Variants in TTC28 observed in about 807,000 individuals in gnomAD.
TTC28 encodes tetratricopeptide repeat protein 28.
A neutral mutation model predicts 198.0 loss-of-function variants in TTC28; 61 were observed. The observed-to-expected ratio is 0.31, with a 90% CI of 0.25 to 0.38. TTC28 has a LOEUF of 0.38. TTC28 is among the 10% of genes least tolerant of loss of function. TTC28 has a pLI of 1.00. For missense variants in TTC28, 2,678 were observed against 3,164.0 expected, an observed-to-expected ratio of 0.85 and a Z score of 3.69; for synonymous variants, 1,171 against 1,297.8, an observed-to-expected ratio of 0.90 and a Z score of 2.10.
rs558986002 is a variant in TTC28, at chr22:28,216,575, C to T, written c.934-52976G>A. ...TTTACATGACAGTCTCATTTACATACAAAGGAAAGGTTAAAAAAACAAAGC... is the reference window on the plus strand; with the variant it reads ...TTTACATGACAGTCTCATTTACATATAAAGGAAAGGTTAAAAAAACAAAGC... On this transcript the variant is annotated intron_variant, in intron 5 of 22. Transcript: ENST00000397906. 7.3e-5 allele frequency among the ~76,000 whole-genome samples: 11 copies of T among 151,636 alleles called. No individual in the cohort carries two copies. The South Asian group carries it at 1.7e-3, about 23-fold the overall frequency.
At chr22:28,082,847 G>A (rs762062334) in intron 12 of TTC28, among the ~76,000 whole-genome samples, 1 of 152,102 alleles carries the variant, frequency 6.6e-6, no homozygotes, top group Non-Finnish European at 1.5e-5. Context: ...ATATTTGGTA[G>A]AATTCCCCAG....
At position 28,676,450 on chromosome 22, in the gene TTC28, T is replaced by C. The variant is rs535328434; in HGVS notation, c.102+3172A>G. Among the ~76,000 whole-genome samples the C allele has an allele frequency of 1.4e-4, 21 of 152,280 alleles. No homozygotes were observed. The East Asian group carries it at 4.1e-3, about 29-fold the overall frequency. On this transcript the variant is annotated intron_variant, in intron 1 of 22. Coordinates refer to ENST00000397906, the MANE Select transcript of TTC28 (RefSeq NM_001145418.2). ...CTAGATACCTGTCTTGTTTGTGTGATTCTGTGAACATATTATAAACCACAA... is the reference window on the plus strand; with the variant it reads ...CTAGATACCTGTCTTGTTTGTGTGACTCTGTGAACATATTATAAACCACAA...
At chr22:28,283,973 G>A (rs539914262) in intron 5 of TTC28, among the ~76,000 whole-genome samples, 1 of 152,290 alleles carries the variant, frequency 6.6e-6, no homozygotes, top group East Asian at 1.9e-4. Context: ...AACTTCTCCA[G>A]CTCTGAGTAA....
chr22:28,312,954 T>A (rs1210717542), intron 2 of TTC28, among the ~76,000 whole-genome samples: 1 of 151,884 alleles, frequency 6.6e-6, no homozygotes, highest in African/African-American at 2.4e-5. Context: ...ACAAAATAGA[T>A]AGACCACTAG....
At chr22:28,114,510 CTATT>C (rs1240336229) in intron 6 of TTC28, among the ~76,000 whole-genome samples, 1 of 151,792 alleles carries the variant, frequency 6.6e-6, no homozygotes, top group African/African-American at 2.4e-5. Flanking sequence ...TTGCAGGTGA[CTATT>C]TATTAATATG....
intron 2 of TTC28, among the ~76,000 whole-genome samples, chr22:28,495,187 C>G: frequency 6.6e-6 from 1 of 152,034 alleles, no homozygotes; most frequent in Non-Finnish European, 1.5e-5. Flanking sequence ...AGAAATTTTT[C>G]TAAATTAAAC....
At chr22:28,346,376 A>G (rs1397983618) in intron 2 of TTC28, among the ~76,000 whole-genome samples, 1 of 152,234 alleles carries the variant, frequency 6.6e-6, no homozygotes, top group Non-Finnish European at 1.5e-5. Flanking sequence ...CTGGGGACAA[A>G]GACATGTACT....
In TTC28 at chr22:28,506,427, C is replaced by T. The variant is rs554308059; in HGVS notation, c.381+123125G>A. ...TGATCTCTCCCTGGGACAGAGCTCC[C>T]GGGGGGAGGGGTGGCTGCCATCTCA... On this transcript the variant is annotated intron_variant, in intron 2 of 22. Transcript: ENST00000397906. Among the ~76,000 whole-genome samples, 18 of 152,166 alleles carry T rather than the reference C, an allele frequency of 1.2e-4. No individual in the cohort carries two copies. The East Asian group carries it at 2.9e-3, about 24-fold the overall frequency.
At chr22:28,022,897 G>A (rs1195206813) in intron 13 of TTC28, among the ~76,000 whole-genome samples, 1 of 152,264 alleles carries the variant, frequency 6.6e-6, no homozygotes, top group African/African-American at 2.4e-5. Flanking sequence ...TGTCTCCTCT[G>A]GGAGGTGAAC....
chr22:28,326,580 G>T (rs1569261748), intron 2 of TTC28, among the ~76,000 whole-genome samples: 1 of 152,092 alleles, frequency 6.6e-6, no homozygotes, highest in Non-Finnish European at 1.5e-5. Context: ...CACTAAATGA[G>T]TCAGTTAAGA....
At chr22:28,312,012 G>A (rs1450574377) in intron 2 of TTC28, among the ~76,000 whole-genome samples, 2 of 142,658 alleles carry the variant, frequency 1.4e-5, no homozygotes, top group Admixed American at 1.4e-4. Flanking sequence ...GATGGAGGAA[G>A]ATCTACCAAG....
chr22:28,163,203 C>A lies in TTC28; in HGVS notation c.1330G>T (p.Ala444Ser), dbSNP rs1921443688. 2.6e-6 allele frequency: 4 copies of A among 1,551,638 alleles called. No homozygotes were observed. Among genetic ancestry groups the A allele is most frequent in the Non-Finnish European group, 3.5e-6 (4 of 1,147,016 alleles). ...CTCTCCAAATCCTGCATGCACCTGG[C>A]AGCATGGCCTAGTCCAGCATAGGCC... ...MRAYAGLGHA[A>S]RCMQDLERAK... is the part of the protein sequence containing the mutation. Residue 444 changes from alanine to serine, a missense_variant, in exon 6 of 23, where the codon GCC (alanine) becomes TCC (serine). By Grantham distance (99) the Ala-to-Ser change is moderately conservative. Around this residue, in one of 8 missense-constraint regions of TTC28, gnomAD observed 775 missense variants for 845.9 expected, o/e 0.92. Transcript: ENST00000397906.
chr22:28,644,058 T>C (rs931280111), intron 1 of TTC28, among the ~76,000 whole-genome samples: 4 of 152,142 alleles, frequency 2.6e-5, no homozygotes, highest in Non-Finnish European at 4.4e-5. Context: ...GAGTCCATGC[T>C]CTTAACCATT....
rs529045643 is a variant in TTC28, at chr22:28,600,518, T to C, written c.381+29034A>G. On this transcript the variant is annotated intron_variant, in intron 2 of 22. Transcript: ENST00000397906. The stretch of plus-strand genomic sequence containing the variant: ...AAGTAAGTGTAAAAACAGAACCAGC[T>C]GAACACTTAACATTCTTTCCAATTG... 1.6e-3 allele frequency among the ~76,000 whole-genome samples: 241 copies of C among 152,334 alleles called. 1 individual carries two copies. The highest frequency in any genetic ancestry group is 5.7e-3 in the African/African-American group (235 of 41,578).
At chr22:28,515,523 T>C (rs2048769081) in intron 2 of TTC28, among the ~76,000 whole-genome samples, 1 of 152,238 alleles carries the variant, frequency 6.6e-6, no homozygotes, top group South Asian at 2.1e-4. Context: ...TTTGCTAAAG[T>C]AGTTTAGCAA....
At chr22:28,028,018 C>T (rs993324990) in intron 13 of TTC28, among the ~76,000 whole-genome samples, 1 of 152,252 alleles carries the variant, frequency 6.6e-6, no homozygotes, top group Non-Finnish European at 1.5e-5. Context: ...CCAGAACCCC[C>T]CTTCCTGGCT....
intron 2 of TTC28, among the ~76,000 whole-genome samples, chr22:28,484,653 G>T (rs1032605447): frequency 6.6e-6 from 1 of 151,948 alleles, no homozygotes; most frequent in African/African-American, 2.4e-5. Context: ...TCTCTCCCAT[G>T]GACACTAAAC....
At chr22:28,282,416 A>G (rs2044601020) in intron 5 of TTC28, among the ~76,000 whole-genome samples, 1 of 152,230 alleles carries the variant, frequency 6.6e-6, no homozygotes, top group African/African-American at 2.4e-5. Flanking sequence ...ATCCAATAGA[A>G]TTTTCTAAGA....
chr22:28,055,192 T>G (rs746486545), intron 12 of TTC28, among the ~76,000 whole-genome samples: 1 of 152,148 alleles, frequency 6.6e-6, no homozygotes, highest in Non-Finnish European at 1.5e-5. Context: ...TGAGCCCCCA[T>G]GCAGCGAAAA....
Sources: allele counts gnomAD v4.1 joint callset (sites outside exome capture counted in the v4.1 genomes callset), GRCh38; gene constraint gnomAD v4.1.1; regional missense constraint gnomAD v4.1.1; transcripts MANE v1.5; gene names NCBI Gene and HGNC (gene_info 2026-07-23, HGNC 2026-07-21).